LTA4H: variants seen among roughly 807,000 people sequenced by gnomAD.
LTA4H encodes the protein leukotriene A4 hydrolase, also known as leukotriene A-4 hydrolase.
In LTA4H, 59 loss-of-function variants were observed where a neutral mutation model predicts 89.8. The observed-to-expected ratio is 0.66, with a 90% CI of 0.53 to 0.82. The LOEUF (loss-of-function observed/expected upper bound fraction) is 0.82. Ranked by LOEUF, LTA4H falls within the 40% of genes least tolerant of loss-of-function variation. The pLI is 0.00. For missense variants in LTA4H, 617 were observed against 727.0 expected (o/e 0.85, Z 1.74); for synonymous variants, 227 against 253.1 (o/e 0.90, Z 0.98).
chr12:96,025,980 A>G (rs1056878622), intron 3 of LTA4H, among the ~76,000 whole-genome samples: 2 of 152,162 alleles, frequency 1.3e-5, no homozygotes, highest in African/African-American at 4.8e-5. Context: ...CCTTCTCTGA[A>G]GCTATTACAA....
chr12:96,015,719 A>AGCTGTGTC (rs769508805), intron 10 of LTA4H, 25 bp from the exon 11 acceptor site: 1 of 1,341,300 alleles, frequency 7.5e-7, no homozygotes, highest in African/African-American at 1.4e-5. Context: ...TTTTAATAAA[A>AGCTGTGTC]ACACGGACAC....
chr12:96,043,182 G>A lies in LTA4H; in HGVS notation c.87+107C>T, dbSNP rs1031875996. 6 of 776,004 alleles carry A rather than the reference G, an allele frequency of 7.7e-6. No homozygotes were observed. The African/African-American group carries it at 1.0e-4, about 13-fold the overall frequency. 48.1% of individuals were successfully genotyped at this position (776,004 alleles called of 1,614,324 possible). On this transcript the variant is annotated intron_variant, in intron 1 of 17. Transcript: ENST00000413268. ...CTCCCTGACGCAACCTGCAGTAGTT[G>A]GCAAAGTGAGAACATGTCGGGTAGA...
intron 1 of LTA4H, among the ~76,000 whole-genome samples, chr12:96,041,986 CTTTTTTTTTT>C (rs145401712): frequency 9.1e-6 from 1 of 110,070 alleles, no homozygotes; most frequent in African/African-American, 3.6e-5. Context: ...GTTTTTTTTT[CTTTTTTTTTT>C]TTTTTTTGAC....
At chr12:96,034,956 T>C (rs900103368) in intron 1 of LTA4H, among the ~76,000 whole-genome samples, 2 of 152,040 alleles carry the variant, frequency 1.3e-5, no homozygotes, top group African/African-American at 2.4e-5. Context: ...GCCGAAGCAA[T>C]GGGGAGGCCA....
intron 10 of LTA4H, 66 bp from the exon 11 acceptor site, chr12:96,015,760 T>C: frequency 9.0e-7 from 1 of 1,115,002 alleles, no homozygotes; most frequent in Non-Finnish European, 1.3e-6. Flanking sequence ...TCAATCAAGA[T>C]ATTTTCTTTT....
chr12:96,010,154 C>G (rs1280422099), intron 14 of LTA4H: 1 of 152,112 alleles, frequency 6.6e-6, no homozygotes, highest in African/African-American at 2.4e-5. Context: ...AAAATAATAG[C>G]AAAGTAGAAA....
chr12:96,028,964 C>G, intron 2 of LTA4H, 91 bp downstream of exon 2: 1 of 1,135,234 alleles, frequency 8.8e-7, no homozygotes, highest in Non-Finnish European at 1.2e-6. Flanking sequence ...TATTTACAAA[C>G]TAAAATTTAA....
intron 1 of LTA4H, among the ~76,000 whole-genome samples, chr12:96,033,180 T>C (rs1950594172): frequency 6.6e-6 from 1 of 152,222 alleles, no homozygotes; most frequent in Admixed American, 6.5e-5. Flanking sequence ...CAAAAAGCTA[T>C]AAAAATTTTC....
chr12:96,031,379 A>G (rs1368417518), intron 1 of LTA4H, among the ~76,000 whole-genome samples: 1 of 152,228 alleles, frequency 6.6e-6, no homozygotes, highest in Admixed American at 6.5e-5. Flanking sequence ...AGTCTCAACT[A>G]TCATTTGCAA....
Position 96,006,423 on chromosome 12 carries a change from T to G in LTA4H, c.1435-14A>C. The G allele has an allele frequency of 6.7e-7, 1 of 1,484,402 alleles. No homozygotes were observed. The allele number at this position is 1,484,402 out of a possible 1,614,324, so 92.0% of individuals were successfully genotyped here. A position where few individuals can be genotyped will look rare whatever the true frequency, so the allele number is the denominator to read the frequency against. On this transcript the variant is annotated splice_polypyrimidine_tract_variant and intron_variant, in intron 15 of 18. Transcript: ENST00000228740. ...ATCTTCTTTGGCCTGAAATAAATGT[T>G]ACCTAGTTATTTTTGTTCAAGTACA...
chr12:96,035,676 G>A (rs1002888164), upstream of LTA4H: 15 of 1,425,152 alleles, frequency 1.1e-5, no homozygotes, highest in African/African-American at 1.9e-4. Flanking sequence ...TCAGACGAGC[G>A]TTGGGGGATG....
intron 16 of LTA4H, among the ~76,000 whole-genome samples, chr12:96,005,034 C>T (rs186711318): frequency 5.3e-4 from 81 of 152,154 alleles, no homozygotes; most frequent in East Asian, 3.5e-3. Flanking sequence ...CAGAAAATTC[C>T]GCTCCAAATC....
upstream of LTA4H, among the ~76,000 whole-genome samples, chr12:96,040,262 C>T (rs1029852973): frequency 6.6e-6 from 1 of 152,188 alleles, no homozygotes; most frequent in African/African-American, 2.4e-5. Flanking sequence ...CAAGTTAATG[C>T]AGTGCCCTCA....
intron 10 of LTA4H, 66 bp downstream of exon 10, chr12:96,016,978 G>T (rs1592883380): frequency 5.1e-6 from 5 of 982,140 alleles, no homozygotes; most frequent in East Asian, 4.8e-5. Flanking sequence ...AATTCAGAGT[G>T]GTAGGAGGCA....
chr12:96,039,723 G>A (rs1950674166), upstream of LTA4H, among the ~76,000 whole-genome samples: 1 of 152,218 alleles, frequency 6.6e-6, no homozygotes, highest in African/African-American at 2.4e-5. Flanking sequence ...GTTTTGAAAT[G>A]CATTTACGGG....
upstream of LTA4H, among the ~76,000 whole-genome samples, chr12:96,037,692 C>CTTT (rs1205832896): frequency 3.9e-4 from 45 of 114,176 alleles, no homozygotes; most frequent in African/African-American, 6.1e-4. Flanking sequence ...ATTGAGAAAG[C>CTTT]TTTTTTTTTT....
At chr12:96,006,801 A>T (rs919248968) in intron 15 of LTA4H, among the ~76,000 whole-genome samples, 3 of 152,200 alleles carry the variant, frequency 2.0e-5, no homozygotes, top group African/African-American at 7.2e-5. Flanking sequence ...TTACATTAAT[A>T]AATTGGTAAG....
intron 6 of LTA4H, among the ~76,000 whole-genome samples, chr12:96,019,908 T>G (rs1313544965): frequency 4.0e-5 from 6 of 150,708 alleles, no homozygotes; most frequent in Non-Finnish European, 4.4e-5. Flanking sequence ...CGTTTTTTTT[T>G]TTTTTTTTTT....
At chr12:96,030,729 C>A (rs1354322432) in intron 1 of LTA4H, among the ~76,000 whole-genome samples, 1 of 152,178 alleles carries the variant, frequency 6.6e-6, no homozygotes, top group Non-Finnish European at 1.5e-5. Context: ...TTTCTGAAAT[C>A]TGACCTGGCT....
Sources: allele counts gnomAD v4.1 joint callset (sites outside exome capture counted in the v4.1 genomes callset), GRCh38; gene constraint gnomAD v4.1.1; transcripts MANE v1.5; gene names NCBI Gene and HGNC (gene_info 2026-07-23, HGNC 2026-07-21).